SHROOM3: variants seen among roughly 807,000 people sequenced by gnomAD.
SHROOM3 encodes protein Shroom3.
In SHROOM3, 47 loss-of-function variants were observed where a neutral mutation model predicts 138.6. That is an observed-to-expected ratio of 0.34 (90% CI 0.27 to 0.43). The LOEUF (loss-of-function observed/expected upper bound fraction) is 0.43. Among genes scored for constraint, SHROOM3 ranks in the 20% least tolerant of loss-of-function variants. The pLI, the probability that SHROOM3 is intolerant of heterozygous loss-of-function variation, is 1.00. For synonymous variants in SHROOM3, 1,062 were observed against 1,063.3 expected, an observed-to-expected ratio of 1.00 and a Z score of 0.02; for missense variants, 2,491 against 2,596.5, an observed-to-expected ratio of 0.96 and a Z score of 0.88.
intron 2 of SHROOM3, among the ~76,000 whole-genome samples, chr4:76,678,822 G>A (rs1221176996): frequency 1.6e-4 from 25 of 151,910 alleles, no homozygotes; most frequent in Admixed American, 3.9e-4. Context: ...CACCATGCCC[G>A]GCTAATTTTT....
rs532525134 is a variant in SHROOM3 at position 76,546,880 on chromosome 4, A to G, written c.169-8729A>G. Among the ~76,000 whole-genome samples, 5 of 152,370 alleles carry G rather than the reference A, an allele frequency of 3.3e-5. No individual in the cohort carries two copies. In the South Asian group the frequency reaches 1.0e-3, roughly 32 times the overall value. ...AGTAGCCAGGAAAGGCAAAGAAATC[A>G]TTCAAGAATTTAAACATAAAAAGTT... On this transcript the variant is annotated intron_variant, in intron 1 of 10. Transcript: ENST00000296043.
intron 1 of SHROOM3, among the ~76,000 whole-genome samples, chr4:76,480,690 G>A (rs578053277): frequency 3.2e-4 from 48 of 152,104 alleles, no homozygotes; most frequent in African/African-American, 1.1e-3. Flanking sequence ...CATTCTTCTC[G>A]CACCACATCA....
chr4:76,512,109 A>T (rs1024815898), intron 1 of SHROOM3, among the ~76,000 whole-genome samples: 2 of 152,082 alleles, frequency 1.3e-5, no homozygotes, highest in African/African-American at 2.4e-5. Flanking sequence ...GACCTAAGAG[A>T]GGCAGTGGGA....
At chr4:76,570,035 T>C (rs1284607371) in intron 2 of SHROOM3, among the ~76,000 whole-genome samples, 1 of 152,186 alleles carries the variant, frequency 6.6e-6, no homozygotes, top group Non-Finnish European at 1.5e-5. Context: ...TTGGCCTTGA[T>C]ATATAGGTAA....
intron 3 of SHROOM3, among the ~76,000 whole-genome samples, chr4:76,717,589 C>T (rs923392550): frequency 7.9e-5 from 12 of 152,034 alleles, no homozygotes; most frequent in African/African-American, 2.7e-4. Flanking sequence ...CAGATATCCT[C>T]AGGCACAAAG....
At chr4:76,718,812 AC>A (rs1413500682) in intron 3 of SHROOM3, among the ~76,000 whole-genome samples, 1 of 152,164 alleles carries the variant, frequency 6.6e-6, no homozygotes, top group Non-Finnish European at 1.5e-5. Context: ...AAAAAACACA[AC>A]CCTTTCTTCA....
intron 1 of SHROOM3, among the ~76,000 whole-genome samples, chr4:76,516,346 T>C (rs1415016608): frequency 2.6e-5 from 4 of 152,196 alleles, no homozygotes; most frequent in Non-Finnish European, 5.9e-5. Flanking sequence ...GAAAGTAATA[T>C]TCCTGAAGTC....
At chr4:76,646,253 T>TA (rs1298148431) in intron 2 of SHROOM3, among the ~76,000 whole-genome samples, 3 of 142,698 alleles carry the variant, frequency 2.1e-5, no homozygotes, top group Non-Finnish European at 1.5e-5. Flanking sequence ...TATATAAAAT[T>TA]AAAAAAAAGA....
intron 1 of SHROOM3, among the ~76,000 whole-genome samples, chr4:76,495,622 C>T (rs1731949242): frequency 6.6e-6 from 1 of 152,182 alleles, no homozygotes; most frequent in Non-Finnish European, 1.5e-5. Flanking sequence ...TCCTAGGAAA[C>T]CCCTGATAGC....
intron 2 of SHROOM3, among the ~76,000 whole-genome samples, chr4:76,691,486 A>G (rs778736465): frequency 5.9e-5 from 9 of 152,242 alleles, no homozygotes; most frequent in Non-Finnish European, 1.0e-4. Flanking sequence ...TATGTGAAAC[A>G]AAGTTCTTCT....
chr4:76,459,941 T>C, intron 1 of SHROOM3, among the ~76,000 whole-genome samples: 1 of 152,202 alleles, frequency 6.6e-6, no homozygotes. Flanking sequence ...GATAATGTGC[T>C]GCTGCTTCTT....
intron 2 of SHROOM3, among the ~76,000 whole-genome samples, chr4:76,666,831 A>G (rs1718706100): frequency 6.6e-6 from 1 of 152,196 alleles, no homozygotes; most frequent in South Asian, 2.1e-4. Context: ...CCAAGTGTCC[A>G]TGGAGGGAAG....
In SHROOM3 at chr4:76,756,070, ACCT is replaced by A. The variant is rs544648815; in HGVS notation, c.4710-375_4710-373del. On this transcript the variant is annotated intron_variant, in intron 7 of 10. Coordinates refer to ENST00000296043, the MANE Select transcript of SHROOM3 (RefSeq NM_020859.4). ...AGTCCATCTTCCTCAGGAGATGACA[ACCT>A]CCTGACCAGCTGCTGGGCTCAGGAG... Among the ~76,000 whole-genome samples the A allele has an allele frequency of 2.4e-3, 358 of 152,226 alleles. 1 individual carries two copies. Among genetic ancestry groups the A allele is most frequent in the African/African-American group, 8.4e-3 (350 of 41,516 alleles).
intron 2 of SHROOM3, among the ~76,000 whole-genome samples, chr4:76,659,371 C>A (rs975249426): frequency 6.6e-6 from 1 of 152,224 alleles, no homozygotes; most frequent in Non-Finnish European, 1.5e-5. Context: ...ACTCCCCCAC[C>A]ATCTAGCCAT....
At chr4:76,557,727 T>A (rs1035031831) in intron 2 of SHROOM3, among the ~76,000 whole-genome samples, 1 of 152,242 alleles carries the variant, frequency 6.6e-6, no homozygotes, top group Non-Finnish European at 1.5e-5. Flanking sequence ...ACTTTGAATA[T>A]ATGCAATTTT....
chr4:76,566,022 A>T (rs1027225446), intron 2 of SHROOM3, among the ~76,000 whole-genome samples: 7 of 150,888 alleles, frequency 4.6e-5, no homozygotes, highest in Non-Finnish European at 8.8e-5. Context: ...AGGCAGAAGG[A>T]CTGCTTGAGC....
chr4:76,690,174 T>G (rs1560592191), intron 2 of SHROOM3, among the ~76,000 whole-genome samples: 1 of 152,250 alleles, frequency 6.6e-6, no homozygotes, highest in East Asian at 1.9e-4. Flanking sequence ...ACTTAAATAG[T>G]GTGTTCCTTG....
chr4:76,582,205 C>G (rs557646251), intron 2 of SHROOM3, among the ~76,000 whole-genome samples: 50 of 152,134 alleles, frequency 3.3e-4, no homozygotes, highest in African/African-American at 1.2e-3. Context: ...AAAACCAGAC[C>G]AAGAGTTCAA....
intron 2 of SHROOM3, among the ~76,000 whole-genome samples, chr4:76,642,508 C>A (rs2110081998): frequency 6.6e-6 from 1 of 152,246 alleles, no homozygotes; most frequent in East Asian, 1.9e-4. Flanking sequence ...AGGCCAGTCA[C>A]TGGAGGCAAA....
Sources: allele counts gnomAD v4.1 joint callset (sites outside exome capture counted in the v4.1 genomes callset), GRCh38; gene constraint gnomAD v4.1.1; transcripts MANE v1.5; gene names NCBI Gene and HGNC (gene_info 2026-07-23, HGNC 2026-07-21).